Variants in DNAAF11 observed in about 807,000 individuals in gnomAD.
DNAAF11 encodes the protein dynein axonemal assembly factor 11.
In DNAAF11, 45 loss-of-function variants were observed where a neutral mutation model predicts 60.8. That is an observed-to-expected ratio of 0.74 (90% CI 0.58 to 0.95). The LOEUF is 0.95. Among genes scored for constraint, DNAAF11 ranks in the 40% least tolerant of loss-of-function variants. The pLI is 0.00. For synonymous variants in DNAAF11, 191 were observed against 183.5 expected, an observed-to-expected ratio of 1.04 and a Z score of -0.33; for missense variants, 546 against 546.2, an observed-to-expected ratio of 1.00 and a Z score of 0.00.
chr8:132,643,761 G>C lies in DNAAF11; in HGVS notation c.257-5654C>G, dbSNP rs1359753317. On this transcript the variant is annotated intron_variant, in intron 3 of 11. Transcript: ENST00000620350. ...TACTTGGAGACAAGCATAATATTGA[G>C]TGCATTCGTTAGACACTTGTAATAG... The C allele has an allele frequency of 4.0e-5, 18 of 455,134 alleles. No individual in the cohort carries two copies. The Admixed American group carries it at 4.2e-4, about 11-fold the overall frequency. 28.2% of individuals were successfully genotyped at this position (455,134 alleles called of 1,614,324 possible).
intron 1 of DNAAF11, among the ~76,000 whole-genome samples, chr8:132,665,467 A>G (rs981066308): frequency 2.0e-5 from 3 of 152,114 alleles, no homozygotes; most frequent in South Asian, 2.1e-4. Context: ...GGGAAGACAC[A>G]AAAGTGCCCA....
intron 3 of DNAAF11, among the ~76,000 whole-genome samples, chr8:132,641,055 G>A (rs1048455014): frequency 3.9e-5 from 6 of 152,056 alleles, no homozygotes; most frequent in African/African-American, 1.4e-4. Flanking sequence ...ATAAATTGGG[G>A]GAGAAGGCAA....
At chr8:132,670,834 T>C (rs1318344436) in intron 1 of DNAAF11, among the ~76,000 whole-genome samples, 2 of 152,096 alleles carry the variant, frequency 1.3e-5, no homozygotes, top group Non-Finnish European at 2.9e-5. Context: ...ACATACAATA[T>C]TAATAAACTA....
chr8:132,632,562 G>T (rs1820900358), intron 5 of DNAAF11, among the ~76,000 whole-genome samples, 178 bp downstream of exon 5: 1 of 152,158 alleles, frequency 6.6e-6, no homozygotes, highest in African/African-American at 2.4e-5. Flanking sequence ...AGGAAAGAAA[G>T]CCTTACAGAA....
intron 3 of DNAAF11, among the ~76,000 whole-genome samples, chr8:132,646,287 G>A (rs1177773233): frequency 1.3e-5 from 2 of 152,276 alleles, no homozygotes; most frequent in Non-Finnish European, 2.9e-5. Flanking sequence ...AGCAAATGCT[G>A]AGAGATTTTG....
chr8:132,586,474 T>C (rs745749157), intron 10 of DNAAF11, among the ~76,000 whole-genome samples: 5 of 152,188 alleles, frequency 3.3e-5, no homozygotes, highest in Non-Finnish European at 7.3e-5. Flanking sequence ...CTCAAACCCA[T>C]GTGTGTTGGT....
intron 11 of DNAAF11, chr8:132,578,312 C>T (rs1814973666): frequency 1.6e-6 from 1 of 606,440 alleles, no homozygotes; most frequent in Non-Finnish European, 2.7e-6. Context: ...TTTAATTACT[C>T]ATGGATCTCT....
chr8:132,579,079 G>A (rs1815056358), intron 11 of DNAAF11, among the ~76,000 whole-genome samples: 1 of 152,228 alleles, frequency 6.6e-6, no homozygotes, highest in African/African-American at 2.4e-5. Flanking sequence ...GTTTACAGCA[G>A]CTGTTGGTTA....
At chr8:132,664,950 C>T (rs1824486335) in intron 1 of DNAAF11, among the ~76,000 whole-genome samples, 1 of 151,990 alleles carries the variant, frequency 6.6e-6, no homozygotes, top group Non-Finnish European at 1.5e-5. Flanking sequence ...GGGAGCCTCC[C>T]TTAGCATGAA....
chr8:132,572,379 G>C lies in DNAAF11; in HGVS notation c.1328C>G (p.Pro443Arg). 4 of 1,614,044 alleles carry C rather than the reference G, an allele frequency of 2.5e-6. No individual in the cohort carries two copies. The highest frequency in any genetic ancestry group is 3.4e-6 in the Non-Finnish European group (4 of 1,179,942). The stretch of plus-strand genomic sequence containing the variant: ...CTCACTTGGTATAATTTTGGGTTCA[G>C]GTCGTCTTCTGGGTGTGTGTTTTTT... ...QEKKHTPRRRPEPKIIPSEED... is the reference protein window; with the variant it reads ...QEKKHTPRRRREPKIIPSEED... The change falls in exon 12 of 12, where the codon CCT becomes CGT. Residue 443 changes from proline (P) to arginine (R), a missense_variant. Coordinates refer to ENST00000620350, the MANE Select transcript of DNAAF11 (RefSeq NM_012472.6).
intron 1 of DNAAF11, among the ~76,000 whole-genome samples, chr8:132,674,660 G>A (rs146082623): frequency 1.3e-5 from 2 of 152,320 alleles, no homozygotes; most frequent in African/African-American, 4.8e-5. Context: ...AGGCCGAGGC[G>A]GGCGGATCAC....
the DNAAF11 span, chr8:132,684,977 C>A: frequency 2.0e-5 from 3 of 152,084 alleles, no homozygotes; most frequent in African/African-American, 7.2e-5. Context: ...CATTTCCACA[C>A]AATGAAGACC....
At chr8:132,683,428 G>A in the DNAAF11 span, among the ~76,000 whole-genome samples, 3 of 152,160 alleles carry the variant, frequency 2.0e-5, no homozygotes, top group Non-Finnish European at 4.4e-5. Flanking sequence ...TGACCAGAAC[G>A]ACCCAGCCAG....
At chr8:132,694,523 G>C in the DNAAF11 span, among the ~76,000 whole-genome samples, 1 of 152,162 alleles carries the variant, frequency 6.6e-6, no homozygotes, top group Non-Finnish European at 1.5e-5. Context: ...ATACAGCTTT[G>C]TTGTTTAAGC....
intron 5 of DNAAF11, among the ~76,000 whole-genome samples, chr8:132,632,068 C>T (rs1335317037): frequency 2.0e-5 from 3 of 150,950 alleles, no homozygotes; most frequent in African/African-American, 7.3e-5. Flanking sequence ...AAACTATTGT[C>T]ATTTATTAAA....
chr8:132,615,414 T>G (rs1227434049), intron 7 of DNAAF11, among the ~76,000 whole-genome samples: 1 of 152,230 alleles, frequency 6.6e-6, no homozygotes, highest in African/African-American at 2.4e-5. Flanking sequence ...CATATGAGTT[T>G]GCCAGAAGCA....
intron 10 of DNAAF11, among the ~76,000 whole-genome samples, chr8:132,589,427 G>A (rs1319709104): frequency 2.6e-5 from 4 of 152,268 alleles, no homozygotes; most frequent in African/African-American, 9.6e-5. Flanking sequence ...ACTCACCTCA[G>A]CTCAAGAGTA....
chr8:132,580,192 G>A (rs539561738), intron 11 of DNAAF11, among the ~76,000 whole-genome samples: 135 of 152,238 alleles, frequency 8.9e-4, no homozygotes, highest in African/African-American at 3.1e-3. Flanking sequence ...ATGGAAAACT[G>A]GAACGCTTCC....
the DNAAF11 span, among the ~76,000 whole-genome samples, chr8:132,695,804 C>T: frequency 2.6e-5 from 4 of 151,800 alleles, no homozygotes; most frequent in Non-Finnish European, 5.9e-5. Context: ...TTAGAGTATT[C>T]GATTCAACCA....
Sources: allele counts gnomAD v4.1 joint callset (sites outside exome capture counted in the v4.1 genomes callset), GRCh38; gene constraint gnomAD v4.1.1; transcripts MANE v1.5; gene names NCBI Gene and HGNC (gene_info 2026-07-23, HGNC 2026-07-21).